The following NXN variants were observed in gnomAD, a reference collection of about 807,000 sequenced individuals.
NXN encodes the protein nucleoredoxin, also known as nucleoredoxin 1.
NXN carries 16 observed loss-of-function variants against 48.6 expected under a neutral mutation model. The observed-to-expected ratio is 0.33, with a 90% confidence interval of 0.22 to 0.50. The LOEUF is 0.50. Ranked by LOEUF, NXN falls within the 20% of genes least tolerant of loss-of-function variation. NXN has a pLI of 0.98. For missense variants in NXN, 492 were observed against 605.5 expected, an observed-to-expected ratio of 0.81 and a Z score of 1.97; for synonymous variants, 281 against 269.6, an observed-to-expected ratio of 1.04 and a Z score of -0.41.
chr17:923,511 G>A (rs1308652859), intron 1 of NXN, among the ~76,000 whole-genome samples: 4 of 152,080 alleles, frequency 2.6e-5, no homozygotes, highest in Admixed American at 6.6e-5. Context: ...CAGCGAGACC[G>A]TGTCTCAAAA....
intron 1 of NXN, among the ~76,000 whole-genome samples, chr17:853,826 T>A (rs2067954713): frequency 6.6e-6 from 1 of 150,502 alleles, no homozygotes. Flanking sequence ...CGGGTTCAAG[T>A]GATTCTCCTG....
At chr17:819,276 G>A (rs1912673732) in intron 5 of NXN, 163 bp downstream of exon 5, 1 of 678,770 alleles carries the variant, frequency 1.5e-6, no homozygotes, top group Non-Finnish European at 2.6e-6. Flanking sequence ...AAATGGCTTA[G>A]AATTCACACC....
chr17:823,580 G>A (rs1237998177), intron 3 of NXN, 52 bp downstream of exon 3: 31 of 1,604,708 alleles, frequency 1.9e-5, no homozygotes, highest in Non-Finnish European at 2.6e-5. Context: ...TGGGCCTGCT[G>A]GGAACATCAC....
intron 1 of NXN, among the ~76,000 whole-genome samples, chr17:934,184 G>A (rs1235032728): frequency 2.6e-5 from 4 of 151,922 alleles, no homozygotes; most frequent in African/African-American, 7.3e-5. Flanking sequence ...GGTGGCTCAC[G>A]CCTGTAATCC....
rs931498585 is a variant in NXN, at chr17:819,648, C to T, written c.714-103G>A. The T allele has an allele frequency of 4.1e-5, 34 of 821,940 alleles. No homozygotes were observed. The Middle Eastern group carries it at 7.7e-4, about 19-fold the overall frequency. The allele number at this position is 821,940 out of a possible 1,614,324, so 50.9% of individuals were successfully genotyped here. On this transcript the variant is annotated intron_variant, in intron 4 of 7. Coordinates refer to ENST00000336868, the MANE Select transcript of NXN (RefSeq NM_022463.5). ...TTCTGCCCAGGGATTCTGCAGAAGC[C>T]GGGGTTTCTAACCACTGTGCTCCTT... is the stretch of plus-strand genomic sequence containing the variant.
In NXN at chr17:906,585, TTGA is replaced by T. The variant is rs200287934; in HGVS notation, c.360+72731_360+72733del. On this transcript the variant is annotated intron_variant, in intron 1 of 7. Transcript: ENST00000336868. ...TTTGGTTTCTGGGTTTTTTTTTTTT[TTGA>T]GACAGTCTCACTCTGTCACCCAGGC... 0.018 allele frequency among the ~76,000 whole-genome samples: 2,342 copies of T among 130,926 alleles called. 130 individuals are homozygous for T. In the East Asian group the frequency reaches 0.23, roughly 13 times the overall value. 85.9% of individuals were successfully genotyped at this position (130,926 alleles called of 152,430 possible). A position where few individuals can be genotyped will look rare whatever the true frequency, so the allele number is the denominator to read the frequency against.
intron 1 of NXN, among the ~76,000 whole-genome samples, chr17:852,764 C>G (rs1301761364): frequency 2.0e-5 from 3 of 152,146 alleles, no homozygotes; most frequent in Non-Finnish European, 2.9e-5. Flanking sequence ...CCTGTCCTTA[C>G]AAAGGAGGCC....
At chr17:892,375 G>T (rs2068432395) in intron 1 of NXN, among the ~76,000 whole-genome samples, 1 of 152,254 alleles carries the variant, frequency 6.6e-6, no homozygotes, top group South Asian at 2.1e-4. Flanking sequence ...TTACAGGAAT[G>T]TGTGTAGGGA....
chr17:808,459 C>T lies in NXN; in HGVS notation c.821-3212G>A, dbSNP rs113098122. Among the ~76,000 whole-genome samples the T allele has an allele frequency of 0.012, 1,752 of 152,044 alleles. 48 individuals carry two copies. In the East Asian group the frequency reaches 0.12, roughly 10 times the overall value. ...CTGGGGTTACAGGTACACACCACCA[C>T]ACCCAGATAATTTTTAGTAGAAACG... is the stretch of plus-strand genomic sequence containing the variant. On this transcript the variant is annotated intron_variant, in intron 5 of 7. Coordinates refer to ENST00000336868, the MANE Select transcript of NXN (RefSeq NM_022463.5).
chr17:885,439 T>C (rs1325355639), intron 1 of NXN, among the ~76,000 whole-genome samples: 1 of 149,558 alleles, frequency 6.7e-6, no homozygotes, highest in Non-Finnish European at 1.5e-5. Flanking sequence ...ATCGCACCAC[T>C]ACACTCCAGC....
rs985376961 is a variant in NXN, at chr17:917,540, C to T, written c.360+61779G>A. ...CCTCTTCCTTCTGGACCTGCTGTCCCACCCTACGCCCATTTTTTATCTCCA... is the reference window on the plus strand; with the variant it reads ...CCTCTTCCTTCTGGACCTGCTGTCCTACCCTACGCCCATTTTTTATCTCCA... On this transcript the variant is annotated intron_variant, in intron 1 of 7. Coordinates refer to ENST00000336868, the MANE Select transcript of NXN (RefSeq NM_022463.5). The surrounding 1 kb of genome is among the most constrained non-coding windows in gnomAD (Gnocchi z 4.5). 8.5e-5 allele frequency among the ~76,000 whole-genome samples: 13 copies of T among 152,248 alleles called. 1 individual carries two copies. The highest frequency in any genetic ancestry group is 5.2e-4 in the Admixed American group (8 of 15,284).
chr17:906,327 G>GAATT (rs939793875), intron 1 of NXN, among the ~76,000 whole-genome samples: 4 of 146,970 alleles, frequency 2.7e-5, no homozygotes, highest in African/African-American at 9.8e-5. Context: ...GACTGGCCTG[G>GAATT]AATTAATAAA....
intron 1 of NXN, among the ~76,000 whole-genome samples, chr17:832,544 C>G (rs890125224): frequency 6.6e-6 from 1 of 152,062 alleles, no homozygotes; most frequent in Non-Finnish European, 1.5e-5. Flanking sequence ...AGCCTCTACC[C>G]TCTAAATGCT....
rs1247852356 is a variant in NXN at position 805,144 on chromosome 17, G to A, written c.924C>T (p.His308=). The A allele has an allele frequency of 6.2e-7, 1 of 1,610,464 alleles. No individual in the cohort carries two copies. Among genetic ancestry groups the A allele is most frequent in the Non-Finnish European group, 8.5e-7 (1 of 1,178,908 alleles). The change falls in exon 6 of 8, where the codon CAC becomes CAT. Residue 308 remains histidine, a synonymous_variant. Coordinates refer to ENST00000336868, the MANE Select transcript of NXN (RefSeq NM_022463.5). The part of the protein sequence containing the change: ...NDEDCREFPW[H]PKPVLELSDS... ...CGGAGAGCTCCAGCACGGGCTTGGG[G>A]TGCCAGGGGAACTCCCGGCAGTCCT...
chr17:841,433 G>GTCCTCCCGACCACGGAGCATCTCACACCC (rs1567827465), intron 1 of NXN, among the ~76,000 whole-genome samples: 1 of 51,216 alleles, frequency 2.0e-5, no homozygotes, highest in Non-Finnish European at 4.1e-5. Flanking sequence ...ATCTCACACG[G>GTCCTCCCGACCACGGAGCATCTCACACCC]GCGAGCAGGT....
In NXN at chr17:932,769, G is replaced by A. The variant is rs543195517; in HGVS notation, c.360+46550C>T. On this transcript the variant is annotated intron_variant, in intron 1 of 7. Coordinates refer to ENST00000336868, the MANE Select transcript of NXN (RefSeq NM_022463.5). This position sits in a 1 kb window ranked among gnomAD's most constrained non-coding sequence, Gnocchi z 4.1. ...AGTGGGTGGGGAGTGCCTTGTTGTG[G>A]CCGGCTTCGCATAAGTCATCTGCGC... 6.6e-6 allele frequency among the ~76,000 whole-genome samples: 1 copy of A among 152,248 alleles called. No individual in the cohort carries two copies.
chr17:897,291 G>A (rs1162390088), intron 1 of NXN, among the ~76,000 whole-genome samples: 1 of 152,222 alleles, frequency 6.6e-6, no homozygotes, highest in Non-Finnish European at 1.5e-5. Flanking sequence ...CAAAATGACA[G>A]CAGAGACGTG....
chr17:819,380 G>A (rs371631022), intron 5 of NXN, 59 bp downstream of exon 5: 2 of 1,178,270 alleles, frequency 1.7e-6, no homozygotes, highest in South Asian at 2.4e-5. Flanking sequence ...CAAAGACACG[G>A]TGAGCTCAGG....
intron 1 of NXN, among the ~76,000 whole-genome samples, chr17:852,672 G>A (rs2067936643): frequency 1.3e-5 from 2 of 152,216 alleles, no homozygotes; most frequent in Non-Finnish European, 2.9e-5. Flanking sequence ...ACCCCCGTCT[G>A]CTCTCTGAGT....
Sources: allele counts gnomAD v4.1 joint callset (sites outside exome capture counted in the v4.1 genomes callset), GRCh38; gene constraint gnomAD v4.1.1; non-coding constraint Gnocchi (gnomAD v3.1); transcripts MANE v1.5; gene names NCBI Gene and HGNC (gene_info 2026-07-23, HGNC 2026-07-21).